AGAP1: variants seen among roughly 807,000 people sequenced by gnomAD.
AGAP1 encodes the protein ArfGAP with GTPase domain, ankyrin repeat and PH domain 1.
A neutral mutation model predicts 105.3 loss-of-function variants in AGAP1; 29 were observed. The ratio of observed to expected loss-of-function variants is 0.28; its 90% CI spans 0.21 to 0.38. The LOEUF (loss-of-function observed/expected upper bound fraction) is 0.38, where lower values mean the gene tolerates loss of function less well. AGAP1 is among the 10% of genes least tolerant of loss of function. The pLI is 1.00. For synonymous variants in AGAP1, 509 were observed against 485.9 expected, an observed-to-expected ratio of 1.05 and a Z score of -0.63; for missense variants, 998 against 1,165.1, an observed-to-expected ratio of 0.86 and a Z score of 2.09.
intron 1 of AGAP1, among the ~76,000 whole-genome samples, chr2:235,653,014 C>G (rs1947646248): frequency 6.6e-6 from 1 of 152,146 alleles, no homozygotes; most frequent in Non-Finnish European, 1.5e-5. Flanking sequence ...TTTGACCCAT[C>G]AACAGGTGTG....
At position 235,801,772 on chromosome 2, in the gene AGAP1, G is replaced by A. The variant is rs1005825843; in HGVS notation, c.957+2250G>A. Among the ~76,000 whole-genome samples the A allele has an allele frequency of 6.6e-6, 1 of 152,198 alleles. No homozygotes were observed. Among genetic ancestry groups the A allele is most frequent in the African/African-American group, 2.4e-5 (1 of 41,452 alleles). ...ATCGTGGTGGTCGAGAACACCTTCTGTGTCTTTGTTAAGGGAGTGGAAGGG... is the reference window on the plus strand; with the variant it reads ...ATCGTGGTGGTCGAGAACACCTTCTATGTCTTTGTTAAGGGAGTGGAAGGG... On this transcript the variant is annotated intron_variant, in intron 8 of 17. Transcript: ENST00000304032. The surrounding 1 kb of genome is among the most constrained non-coding windows in gnomAD (Gnocchi z 6.0).
intron 1 of AGAP1, among the ~76,000 whole-genome samples, chr2:235,624,578 T>C (rs1421232141): frequency 6.6e-6 from 1 of 152,216 alleles, no homozygotes; most frequent in Admixed American, 6.5e-5. Flanking sequence ...CTGTTCTGTG[T>C]GCTGTAAAGT....
chr2:236,022,241 A>C (rs983726937), intron 13 of AGAP1, among the ~76,000 whole-genome samples: 8 of 152,134 alleles, frequency 5.3e-5, no homozygotes, highest in African/African-American at 1.4e-4. Flanking sequence ...TTAGTAGTTA[A>C]ACATTCCTAA....
chr2:235,975,854 T>C (rs966176377), intron 13 of AGAP1, among the ~76,000 whole-genome samples: 1 of 152,142 alleles, frequency 6.6e-6, no homozygotes, highest in Middle Eastern at 3.2e-3. Flanking sequence ...GTCTCCACAA[T>C]CAGCTCCCTA....
At chr2:235,819,626 C>A (rs1171612733) in intron 9 of AGAP1, among the ~76,000 whole-genome samples, 2 of 152,134 alleles carry the variant, frequency 1.3e-5, no homozygotes, top group East Asian at 1.9e-4. Flanking sequence ...GCCTTCTGTT[C>A]CAGGTAAACC....
chr2:236,120,213 C>A lies in AGAP1; in HGVS notation c.2136C>A (p.Ile712=). The part of the protein sequence containing the change: ...DSTREEKERW[I]RAKYEQKLFL... ...GCAGGGAAGAGAAGGAACGGTGGAT[C>A]CGTGCCAAGTACGAGCAGAAGCTCT... The change falls in exon 17 of 18, where the codon ATC becomes ATA. Residue 712 remains isoleucine, a synonymous_variant. Transcript: ENST00000304032. The surrounding 1 kb of genome is among the most constrained non-coding windows in gnomAD (Gnocchi z 6.0). 1 of 1,612,386 alleles carries A rather than the reference C, an allele frequency of 6.2e-7. No individual in the cohort carries two copies. Among genetic ancestry groups the A allele is most frequent in the Non-Finnish European group, 8.5e-7 (1 of 1,178,972 alleles).
Position 235,867,572 on chromosome 2 carries a change from T to TGCGC in AGAP1, c.1051-15772_1051-15771insCGCG, listed in dbSNP as rs1553655423. On this transcript the variant is annotated intron_variant, in intron 9 of 17. Coordinates refer to ENST00000304032, the MANE Select transcript of AGAP1 (RefSeq NM_001037131.3). This position sits in a 1 kb window ranked among gnomAD's most constrained non-coding sequence, Gnocchi z 5.4. ...GTGTGTGTGTGTGTGTGTGTGTGTG[T>TGCGC]GTGCAAGTGAGGGAGGGTGACCCCC... Among the ~76,000 whole-genome samples the TGCGC allele has an allele frequency of 2.7e-5, 4 of 148,370 alleles. No individual in the cohort carries two copies. The highest frequency in any genetic ancestry group is 2.2e-4 in the South Asian group (1 of 4,642).
In AGAP1 at chr2:235,962,481, CAG is replaced by C. The variant is rs2054234023; in HGVS notation, c.1484-5980_1484-5979del. Among the ~76,000 whole-genome samples the C allele has an allele frequency of 1.3e-5, 2 of 152,014 alleles. No homozygotes were observed. The highest frequency in any genetic ancestry group is 4.8e-5 in the African/African-American group (2 of 41,406). The stretch of plus-strand genomic sequence containing the variant: ...GTTGGACGTCAGATGGCATGGAACT[CAG>C]GGCATAGAGGAGCCACGGGAGTGAA... On this transcript the variant is annotated intron_variant, in intron 12 of 17. Coordinates refer to ENST00000304032, the MANE Select transcript of AGAP1 (RefSeq NM_001037131.3). This position sits in a 1 kb window ranked among gnomAD's most constrained non-coding sequence, Gnocchi z 5.3.
rs547431729 is a variant in AGAP1 at position 235,908,298 on chromosome 2, G to T, written c.1156-440G>T. On this transcript the variant is annotated intron_variant, in intron 10 of 17. Transcript: ENST00000304032. The surrounding 1 kb of genome is among the most constrained non-coding windows in gnomAD (Gnocchi z 4.4). ...TTTTCACCTGATTTTTCACCAGAGA[G>T]CTTCAGTCTTATCTAGATTTTAATG... is the stretch of plus-strand genomic sequence containing the variant. Among the ~76,000 whole-genome samples the T allele has an allele frequency of 3.9e-5, 6 of 152,176 alleles. No homozygotes were observed. Among genetic ancestry groups the T allele is most frequent in the Non-Finnish European group, 5.9e-5 (4 of 68,026 alleles).
At position 235,793,185 on chromosome 2, in the gene AGAP1, C is replaced by A. The variant is rs981900423; in HGVS notation, c.674-4574C>A. Among the ~76,000 whole-genome samples, 1 of 152,118 alleles carries A rather than the reference C, an allele frequency of 6.6e-6. No homozygotes were observed. Among genetic ancestry groups the A allele is most frequent in the African/African-American group, 2.4e-5 (1 of 41,424 alleles). On this transcript the variant is annotated intron_variant, in intron 6 of 17. Transcript: ENST00000304032. The surrounding 1 kb of genome is among the most constrained non-coding windows in gnomAD (Gnocchi z 5.3). ...CCCAGTGACCATGGCAATGGCAGGC[C>A]CAGCCTAGGGATTGCAGAGAGCAGG...
Position 235,712,688 on chromosome 2 carries a change from G to A in AGAP1, c.222+3451G>A, listed in dbSNP as rs1056341046. 1.3e-5 allele frequency among the ~76,000 whole-genome samples: 2 copies of A among 152,186 alleles called. No individual in the cohort carries two copies. Among genetic ancestry groups the A allele is most frequent in the African/African-American group, 4.8e-5 (2 of 41,440 alleles). On this transcript the variant is annotated intron_variant, in intron 2 of 17. Transcript: ENST00000304032. This position sits in a 1 kb window ranked among gnomAD's most constrained non-coding sequence, Gnocchi z 6.0. The stretch of plus-strand genomic sequence containing the variant: ...GTATGGGTTCCAACGCACTTCATGT[G>A]CCTGCACAGACGGTGACCCCTGCAC...
Position 235,864,303 on chromosome 2 carries a change from C to T in AGAP1, c.1051-19042C>T, listed in dbSNP as rs747161468. On this transcript the variant is annotated intron_variant, in intron 9 of 17. Transcript: ENST00000304032. This position sits in a 1 kb window ranked among gnomAD's most constrained non-coding sequence, Gnocchi z 5.0. The stretch of plus-strand genomic sequence containing the variant: ...AATGCCCCCATCATGTGAAGGGGTT[C>T]GGCTCACTCTGTGGCCGGCCTGGAG... Among the ~76,000 whole-genome samples the T allele has an allele frequency of 1.3e-5, 2 of 152,150 alleles. No individual in the cohort carries two copies. Among genetic ancestry groups the T allele is most frequent in the Non-Finnish European group, 2.9e-5 (2 of 68,044 alleles).
In AGAP1 at chr2:235,734,279, G is replaced by A. The variant is rs955608232; in HGVS notation, c.311-6684G>A. On this transcript the variant is annotated intron_variant, in intron 3 of 17. Coordinates refer to ENST00000304032, the MANE Select transcript of AGAP1 (RefSeq NM_001037131.3). The surrounding 1 kb of genome is among the most constrained non-coding windows in gnomAD (Gnocchi z 5.3). ...GGAAGAGAATCCCAAACGTGTGGCC[G>A]AAAGGGACCCAGGACCTGCCAGCCA... is the stretch of plus-strand genomic sequence containing the variant. Among the ~76,000 whole-genome samples, 3 of 152,148 alleles carry A rather than the reference G, an allele frequency of 2.0e-5. No individual in the cohort carries two copies. The highest frequency in any genetic ancestry group is 6.5e-5 in the Admixed American group (1 of 15,282).
At chr2:235,706,391 A>ATT (rs199550646) in intron 1 of AGAP1, among the ~76,000 whole-genome samples, 5 of 150,948 alleles carry the variant, frequency 3.3e-5, no homozygotes, top group African/African-American at 1.2e-4. Context: ...CGCCCGGCTA[A>ATT]TTTTTTTTTG....
chr2:235,868,574 C>T (rs758876427), intron 9 of AGAP1, among the ~76,000 whole-genome samples: 7 of 152,120 alleles, frequency 4.6e-5, no homozygotes, highest in East Asian at 1.9e-4. Context: ...GAGCAGAGGC[C>T]GGCACCATTT....
intron 6 of AGAP1, among the ~76,000 whole-genome samples, chr2:235,760,963 T>A (rs1277413557): frequency 6.6e-6 from 1 of 152,176 alleles, no homozygotes; most frequent in Non-Finnish European, 1.5e-5. Context: ...TATGAAAATG[T>A]TTAGGTGGGG....
chr2:236,034,265 C>G (rs1433814797), intron 13 of AGAP1, among the ~76,000 whole-genome samples: 2 of 151,926 alleles, frequency 1.3e-5, no homozygotes, highest in African/African-American at 4.8e-5. Context: ...GTAAGTCAGC[C>G]ATGGTGAAAC....
chr2:235,831,259 C>T (rs1959354250), intron 9 of AGAP1, among the ~76,000 whole-genome samples: 1 of 151,722 alleles, frequency 6.6e-6, no homozygotes, highest in Non-Finnish European at 1.5e-5. Flanking sequence ...AGCAGAAGGA[C>T]ACCCACAGCC....
At chr2:235,680,011 A>T (rs1430610230) in intron 1 of AGAP1, among the ~76,000 whole-genome samples, 1 of 152,246 alleles carries the variant, frequency 6.6e-6, no homozygotes, top group East Asian at 1.9e-4. Context: ...ACGTACTACT[A>T]CTTTGGATAA....
Sources: gnomAD v4.1 joint callset for allele counts (sites outside exome capture counted in the v4.1 genomes callset) on GRCh38, gnomAD v4.1.1 for gene constraint, Gnocchi (gnomAD v3.1) non-coding constraint, MANE v1.5 for transcripts, NCBI Gene and HGNC (gene_info 2026-07-23, HGNC 2026-07-21) for gene names.